GPATCH3: variants seen among roughly 807,000 people sequenced by gnomAD.
GPATCH3 encodes the protein G patch domain-containing protein 3.
GPATCH3 carries 45 observed loss-of-function variants against 53.2 expected under a neutral mutation model. The ratio of observed to expected loss-of-function variants is 0.85; its 90% CI spans 0.67 to 1.08. The LOEUF (loss-of-function observed/expected upper bound fraction) is 1.08. Ranked by LOEUF, GPATCH3 falls within the 50% of genes least tolerant of loss-of-function variation. The probability of loss-of-function intolerance (pLI) is 0.00; values close to 1 mark genes in which losing one functional copy is unlikely to be tolerated. For missense variants in GPATCH3, 680 were observed against 687.2 expected, an observed-to-expected ratio of 0.99 and a Z score of 0.12; for synonymous variants, 280 against 270.6, an observed-to-expected ratio of 1.03 and a Z score of -0.34.
rs762219194 is a variant in GPATCH3 at position 26,891,057 on chromosome 1, CAA to C, written c.1529_1530del (p.Phe510CysfsTer15). ...TSMKFRTDMAFVRGSSCASDS... is the reference protein window; with the variant it reads ...TSMKFRTDMAXVRGSSCASDS... ...TCTGAAGCACAACTGGAACCCCTCA[CAA>C]AGGCCATGTCTGTCCGAAACTTCAT... On this transcript the variant is annotated frameshift_variant, in exon 7 of 7. Transcript: ENST00000361720. LOFTEE classifies it high-confidence loss of function. 1 of 1,614,186 alleles carries C rather than the reference CAA, an allele frequency of 6.2e-7. No homozygotes were observed. The highest frequency in any genetic ancestry group is 8.5e-7 in the Non-Finnish European group (1 of 1,180,026).
At chr1:26,893,271 G>T in intron 4 of GPATCH3, 118 bp downstream of exon 4, 1 of 828,146 alleles carries the variant, frequency 1.2e-6, no homozygotes, top group African/African-American at 1.7e-5. Context: ...CTCTCAGTGG[G>T]CTACCCCAAG....
At position 26,897,285 on chromosome 1, in the gene GPATCH3, A is replaced by G; in HGVS notation, c.876+16T>C. On this transcript the variant is annotated intron_variant, in intron 2 of 6. Coordinates refer to ENST00000361720, the MANE Select transcript of GPATCH3 (RefSeq NM_022078.3). ...TTTCAGCTGCCAGCAAGGACAGGGT[A>G]GCACACTGTACTCACCTCATCTGAG... The G allele has an allele frequency of 1.2e-6, 2 of 1,611,038 alleles. No individual in the cohort carries two copies. Among genetic ancestry groups the G allele is most frequent in the Non-Finnish European group, 1.7e-6 (2 of 1,177,656 alleles).
intron 2 of GPATCH3, among the ~76,000 whole-genome samples, chr1:26,897,066 G>GAATGAAA (rs1446698277): frequency 2.0e-5 from 3 of 151,586 alleles, no homozygotes; most frequent in Non-Finnish European, 4.4e-5. Flanking sequence ...CCTTCCAAGG[G>GAATGAAA]AATGAAAAAT....
At chr1:26,899,314 T>C (rs1023603704) in intron 1 of GPATCH3, among the ~76,000 whole-genome samples, 11 of 152,186 alleles carry the variant, frequency 7.2e-5, no homozygotes, top group Non-Finnish European at 1.6e-4. Flanking sequence ...ACAGCTCCTA[T>C]CTCATAGGAC....
rs368890533 is a variant in GPATCH3, at chr1:26,892,656, C to G, written c.1233+14G>C. 4 of 1,613,904 alleles carry G rather than the reference C, an allele frequency of 2.5e-6. No homozygotes were observed. In the African/African-American group the frequency reaches 5.3e-5, roughly 22 times the overall value. ...AAGAGAGGGGTCCATGGGGTGGGCA[C>G]AGTGCTAACTCACCTTGGTGTGGCG... On this transcript the variant is annotated intron_variant, in intron 5 of 6. Coordinates refer to ENST00000361720, the MANE Select transcript of GPATCH3 (RefSeq NM_022078.3).
chr1:26,897,298 C>T lies in GPATCH3; in HGVS notation c.876+3G>A. On this transcript the variant is annotated splice_donor_region_variant and intron_variant, in intron 2 of 6. Transcript: ENST00000361720. ...CAAGGACAGGGTAGCACACTGTACT[C>T]ACCTCATCTGAGTGAGACTCTTCTT... The T allele has an allele frequency of 1.2e-6, 2 of 1,613,570 alleles. No homozygotes were observed.
rs144541999 is a variant in GPATCH3, at chr1:26,897,343, T to C, written c.834A>G (p.Glu278=). The C allele has an allele frequency of 1.9e-6, 3 of 1,614,086 alleles. No individual in the cohort carries two copies. The highest frequency in any genetic ancestry group is 2.7e-5 in the African/African-American group (2 of 74,932). The part of the protein sequence containing the change: ...IPASPCGEPE[E]EVGKEEEEES... Reference sequence around the variant, plus strand: ...CTTCTTCCTCTTCCTTCCCCACTTCTTCCTCAGGCTCTCCACAGGGGCTGG... The same window carrying C: ...CTTCTTCCTCTTCCTTCCCCACTTCCTCCTCAGGCTCTCCACAGGGGCTGG... The change falls in exon 2 of 7, where the codon GAA becomes GAG. Residue 278 remains glutamate, a synonymous_variant. Transcript: ENST00000361720.
chr1:26,893,507 G>C lies in GPATCH3; in HGVS notation c.1052-59C>G, dbSNP rs1053638373. 2.7e-5 allele frequency: 18 copies of C among 675,034 alleles called. 1 individual carries two copies. In the Admixed American group the frequency reaches 3.7e-4, roughly 14 times the overall value. 41.8% of individuals were successfully genotyped at this position (675,034 alleles called of 1,614,324 possible). ...TTAAGGACTCTCAGTTCTATTAAGA[G>C]TTAAACCTAGAGTTTTTTTGGCTTT... is the stretch of plus-strand genomic sequence containing the variant. On this transcript the variant is annotated intron_variant, in intron 3 of 6. Coordinates refer to ENST00000361720, the MANE Select transcript of GPATCH3 (RefSeq NM_022078.3).
chr1:26,893,352 T>G (rs780942061), intron 4 of GPATCH3, 37 bp downstream of exon 4: 1 of 1,526,726 alleles, frequency 6.5e-7, no homozygotes, highest in South Asian at 1.1e-5. Context: ...CCAGGGCACC[T>G]GTTTCACCTC....
chr1:26,896,557 G>A lies in GPATCH3; in HGVS notation c.876+744C>T, dbSNP rs534598225. On this transcript the variant is annotated intron_variant, in intron 2 of 6. Coordinates refer to ENST00000361720, the MANE Select transcript of GPATCH3 (RefSeq NM_022078.3). ...ATAAAAAAAAAAAAAAAAATTAGCC[G>A]GGCGTGGTGGCACATGCCTGAAGTC... 1.4e-4 allele frequency among the ~76,000 whole-genome samples: 21 copies of A among 150,084 alleles called. No homozygotes were observed. The East Asian group carries it at 3.3e-3, about 24-fold the overall frequency.
chr1:26,891,517 T>TAA (rs1244547371), intron 6 of GPATCH3, among the ~76,000 whole-genome samples: 3 of 137,218 alleles, frequency 2.2e-5, no homozygotes, highest in African/African-American at 5.4e-5. Context: ...GCTTACTCTT[T>TAA]AAAAAAAAAA....
intron 2 of GPATCH3, 88 bp downstream of exon 2, chr1:26,897,213 C>T (rs1266189032): frequency 1.8e-5 from 24 of 1,323,424 alleles, no homozygotes; most frequent in Middle Eastern, 2.2e-4. Flanking sequence ...GTTAAGAACC[C>T]TTGTAATAGA....
rs1055651149 is a variant in GPATCH3 at position 26,890,720 on chromosome 1, A to C, written c.*290T>G. On this transcript the variant is annotated 3_prime_UTR_variant, in exon 7 of 7. Coordinates refer to ENST00000361720, the MANE Select transcript of GPATCH3 (RefSeq NM_022078.3). ...GAAGGCTGTGCTGATAGCCTCACTC[A>C]ACCCAGCTTTTCAAAGTTCTGCAGG... is the stretch of plus-strand genomic sequence containing the variant. 3.4e-6 allele frequency: 2 copies of C among 595,428 alleles called. No individual in the cohort carries two copies. Among genetic ancestry groups the C allele is most frequent in the African/African-American group, 3.7e-5 (2 of 54,014 alleles). The allele number at this position is 595,428 out of a possible 1,614,324, so 36.9% of individuals were successfully genotyped here.
rs191910281 is a variant in GPATCH3 at position 26,894,427 on chromosome 1, G to C, written c.877-17C>G. On this transcript the variant is annotated splice_polypyrimidine_tract_variant and intron_variant, in intron 2 of 6. Transcript: ENST00000361720. ...GTCATCGTCCTAAAAGGCAGGGAGAGGTGATTTGCCTGAGCTTCCTGACCT... is the reference window on the plus strand; with the variant it reads ...GTCATCGTCCTAAAAGGCAGGGAGACGTGATTTGCCTGAGCTTCCTGACCT... The C allele has an allele frequency of 1.2e-6, 2 of 1,612,538 alleles. No homozygotes were observed. The highest frequency in any genetic ancestry group is 1.7e-6 in the Non-Finnish European group (2 of 1,178,886).
At chr1:26,892,850 G>C in intron 4 of GPATCH3, 59 bp from the exon 5 acceptor site, 1 of 1,592,680 alleles carries the variant, frequency 6.3e-7, no homozygotes, top group Non-Finnish European at 8.6e-7. Flanking sequence ...GGAAGAATCA[G>C]GTTTCTAGGA....
In GPATCH3 at chr1:26,890,570, A is replaced by C; in HGVS notation, c.*440T>G. 1 of 337,476 alleles carries C rather than the reference A, an allele frequency of 3.0e-6. No homozygotes were observed. Among genetic ancestry groups the C allele is most frequent in the Non-Finnish European group, 5.8e-6 (1 of 172,588 alleles). The allele number at this position is 337,476 out of a possible 1,614,324, so 20.9% of individuals were successfully genotyped here. A position where few individuals can be genotyped will look rare whatever the true frequency, so the allele number is the denominator to read the frequency against. On this transcript the variant is annotated 3_prime_UTR_variant, in exon 7 of 7. Coordinates refer to ENST00000361720, the MANE Select transcript of GPATCH3 (RefSeq NM_022078.3). ...GGACTCTCCGCTGGCAGTCCCACCCAGTGAGGGTAGAGGCGGTGGAGGGCC... is the reference window on the plus strand; with the variant it reads ...GGACTCTCCGCTGGCAGTCCCACCCCGTGAGGGTAGAGGCGGTGGAGGGCC...
chr1:26,891,029 C>A lies in GPATCH3; in HGVS notation c.1559G>T (p.Ser520Ile). The change falls in exon 7 of 7, where the codon AGC becomes ATC. Residue 520 changes from serine (S) to isoleucine (I), a missense_variant. Transcript: ENST00000361720. ...ACCCGGTCAGTCAGGCAATGAGGGG[C>A]TGTCTGAAGCACAACTGGAACCCCT... is the stretch of plus-strand genomic sequence containing the variant. ...FVRGSSCASDSPSLPD is the reference protein window; with the variant it reads ...FVRGSSCASDIPSLPD 1 of 1,614,088 alleles carries A rather than the reference C, an allele frequency of 6.2e-7. No homozygotes were observed. The highest frequency in any genetic ancestry group is 8.5e-7 in the Non-Finnish European group (1 of 1,179,960).
intron 1 of GPATCH3, among the ~76,000 whole-genome samples, chr1:26,898,512 T>G (rs1417695824): frequency 1.3e-5 from 2 of 151,696 alleles, no homozygotes. Context: ...CAGACAGGGT[T>G]ACGCCATGTT....
At position 26,890,978 on chromosome 1, in the gene GPATCH3, C is replaced by T; in HGVS notation, c.*32G>A. 1 of 1,582,268 alleles carries T rather than the reference C, an allele frequency of 6.3e-7. No homozygotes were observed. The highest frequency in any genetic ancestry group is 8.7e-7 in the Non-Finnish European group (1 of 1,151,494). ...TGAGGCCAGGGCAGAGGGTTTTCAT[C>T]ATGTAGCTATGAAAGGAAGCCCCCA... On this transcript the variant is annotated 3_prime_UTR_variant, in exon 7 of 7. Transcript: ENST00000361720.
Sources: gnomAD v4.1 joint callset for allele counts (sites outside exome capture counted in the v4.1 genomes callset) on GRCh38, gnomAD v4.1.1 for gene constraint, MANE v1.5 for transcripts, NCBI Gene and HGNC (gene_info 2026-07-23, HGNC 2026-07-21) for gene names.